The following STXBP6 variants were observed in gnomAD, a reference collection of about 807,000 sequenced individuals.
The protein encoded by STXBP6 is syntaxin binding protein 6.
STXBP6 carries 21 observed loss-of-function variants against 26.9 expected under a neutral mutation model. That is an observed-to-expected ratio of 0.78 (90% CI 0.55 to 1.12). The LOEUF (loss-of-function observed/expected upper bound fraction) is 1.12. Ranked by LOEUF, STXBP6 falls within the 50% of genes most tolerant of loss-of-function variation. STXBP6 has a pLI of 0.00. For missense variants in STXBP6, 232 were observed against 257.9 expected (o/e 0.90, Z 0.69); for synonymous variants, 97 against 92.6 (o/e 1.05, Z -0.27).
chr14:25,014,113 C>T (rs987149193), intron 1 of STXBP6, among the ~76,000 whole-genome samples: 2 of 152,158 alleles, frequency 1.3e-5, no homozygotes, highest in Non-Finnish European at 2.9e-5. Context: ...ATAAATTAAC[C>T]ATTGTTGAAG....
At position 24,904,937 on chromosome 14, in the gene STXBP6, T is replaced by C. The variant is rs995237069; in HGVS notation, c.155-47780A>G. Among the ~76,000 whole-genome samples the C allele has an allele frequency of 3.3e-5, 5 of 152,172 alleles. No individual in the cohort carries two copies. In the East Asian group the frequency reaches 5.8e-4, roughly 18 times the overall value. On this transcript the variant is annotated intron_variant, in intron 2 of 5. Coordinates refer to ENST00000323944, the MANE Select transcript of STXBP6 (RefSeq NM_001394410.1). ...AGAAAATTACCATCTCATTCAAATA[T>C]TGGTTATTAGAAAGGATGTTGAAAG...
At chr14:24,835,271 T>A (rs750717798) in intron 4 of STXBP6, among the ~76,000 whole-genome samples, 3 of 152,214 alleles carry the variant, frequency 2.0e-5, no homozygotes, top group Non-Finnish European at 4.4e-5. Context: ...CAGATCTTCT[T>A]CGAGTGAGAA....
chr14:24,822,554 G>A (rs1231383599), intron 4 of STXBP6, among the ~76,000 whole-genome samples: 1 of 151,936 alleles, frequency 6.6e-6, no homozygotes, highest in Non-Finnish European at 1.5e-5. Context: ...TGACTTTAAG[G>A]GAGTGATTTA....
intron 4 of STXBP6, among the ~76,000 whole-genome samples, chr14:24,840,108 A>G (rs2068742868): frequency 6.6e-6 from 1 of 152,216 alleles, no homozygotes; most frequent in Admixed American, 6.5e-5. Context: ...CTATTTTACA[A>G]AAAACAAAAA....
intron 1 of STXBP6, among the ~76,000 whole-genome samples, chr14:25,001,431 G>T (rs1171617425): frequency 6.6e-6 from 1 of 152,146 alleles, no homozygotes; most frequent in Admixed American, 6.5e-5. Context: ...ATGCTAACAA[G>T]ATGACTCTTT....
At chr14:24,864,618 CA>C (rs1449618220) in intron 2 of STXBP6, among the ~76,000 whole-genome samples, 1 of 150,968 alleles carries the variant, frequency 6.6e-6, no homozygotes, top group Non-Finnish European at 1.5e-5. Flanking sequence ...AAGGCCATTC[CA>C]AAGGGAAAAA....
At chr14:24,960,756 C>A (rs556244546) in intron 2 of STXBP6, among the ~76,000 whole-genome samples, 13 of 152,202 alleles carry the variant, frequency 8.5e-5, no homozygotes, top group Non-Finnish European at 1.9e-4. Context: ...AGAGCCACTT[C>A]TTTGATCATT....
chr14:25,048,586 T>G (rs909015744), intron 1 of STXBP6, among the ~76,000 whole-genome samples: 1 of 152,322 alleles, frequency 6.6e-6, no homozygotes, highest in Non-Finnish European at 1.5e-5. Context: ...AGGGTGTCCC[T>G]TTAAGAACGT....
At chr14:24,889,665 T>C (rs1595051642) in intron 2 of STXBP6, among the ~76,000 whole-genome samples, 1 of 152,064 alleles carries the variant, frequency 6.6e-6, no homozygotes, top group Admixed American at 6.5e-5. Context: ...AAAGCTCAAT[T>C]ACTCAATTGT....
intron 2 of STXBP6, among the ~76,000 whole-genome samples, chr14:24,860,690 T>C (rs142441213): frequency 2.0e-5 from 3 of 152,046 alleles, no homozygotes; most frequent in African/African-American, 7.2e-5. Flanking sequence ...CTGAATAACA[T>C]CTTTTTACAC....
At chr14:24,960,120 G>T (rs1004990869) in intron 2 of STXBP6, among the ~76,000 whole-genome samples, 8 of 152,244 alleles carry the variant, frequency 5.3e-5, no homozygotes, top group Admixed American at 3.3e-4. Context: ...AGGACACTTA[G>T]TCCAGAGAGC....
chr14:25,008,059 C>A (rs1373810067), intron 1 of STXBP6, among the ~76,000 whole-genome samples: 1 of 152,176 alleles, frequency 6.6e-6, no homozygotes, highest in Non-Finnish European at 1.5e-5. Flanking sequence ...GCACTCATGG[C>A]ATGAAGCCAG....
chr14:25,019,839 T>C lies in STXBP6; in HGVS notation c.-33+30039A>G, dbSNP rs562451740. ...GATGTTTTGAGATGATCAAGTTTAG[T>C]ATCTTATTATAAAATACAAGTTTCG... On this transcript the variant is annotated intron_variant, in intron 1 of 5. Coordinates refer to ENST00000323944, the MANE Select transcript of STXBP6 (RefSeq NM_001394410.1). Among the ~76,000 whole-genome samples, 10 of 151,994 alleles carry C rather than the reference T, an allele frequency of 6.6e-5. No individual in the cohort carries two copies. In the East Asian group the frequency reaches 1.7e-3, roughly 26 times the overall value.
At chr14:24,975,814 T>G (rs1474325812) in intron 1 of STXBP6, among the ~76,000 whole-genome samples, 1 of 152,232 alleles carries the variant, frequency 6.6e-6, no homozygotes, top group Non-Finnish European at 1.5e-5. Context: ...ATATTAAGCC[T>G]GTCATCCAAA....
intron 1 of STXBP6, among the ~76,000 whole-genome samples, chr14:25,018,519 G>A (rs2075201739): frequency 6.6e-6 from 1 of 152,174 alleles, no homozygotes; most frequent in African/African-American, 2.4e-5. Flanking sequence ...TTGCCACCCA[G>A]GGTTAGGGCA....
At chr14:24,954,308 T>C (rs921299965) in intron 2 of STXBP6, among the ~76,000 whole-genome samples, 1 of 151,682 alleles carries the variant, frequency 6.6e-6, no homozygotes, top group Non-Finnish European at 1.5e-5. Context: ...TTGCCTAAGG[T>C]GGGAGGGGAG....
chr14:25,034,920 G>A (rs897659890), intron 1 of STXBP6, among the ~76,000 whole-genome samples: 2 of 152,076 alleles, frequency 1.3e-5, no homozygotes, highest in African/African-American at 2.4e-5. Flanking sequence ...GGAGGCCAAG[G>A]GGGGCAGATC....
chr14:24,908,715 T>C (rs1372821563), intron 2 of STXBP6, among the ~76,000 whole-genome samples: 3 of 152,138 alleles, frequency 2.0e-5, no homozygotes, highest in Non-Finnish European at 4.4e-5. Context: ...TGTCCCAATT[T>C]CCTCATAAGG....
At chr14:24,817,176 C>T (rs1351165844) in intron 5 of STXBP6, 1 of 152,190 alleles carries the variant, frequency 6.6e-6, no homozygotes, top group Non-Finnish European at 1.5e-5. Flanking sequence ...TTCCATATTG[C>T]TTTCCCAATT....
Sources: gnomAD v4.1 joint callset for allele counts (sites outside exome capture counted in the v4.1 genomes callset) on GRCh38, gnomAD v4.1.1 for gene constraint, MANE v1.5 for transcripts, NCBI Gene and HGNC (gene_info 2026-07-23, HGNC 2026-07-21) for gene names.